CNTN4: variants seen among roughly 807,000 people sequenced by gnomAD.
CNTN4 encodes the protein contactin-4.
In CNTN4, 77 loss-of-function variants were observed where a neutral mutation model predicts 122.5. The ratio of observed to expected loss-of-function variants is 0.63; its 90% CI spans 0.52 to 0.76. CNTN4 has a LOEUF of 0.76. CNTN4 is among the 30% of genes least tolerant of loss of function. The pLI is 0.00. For missense variants in CNTN4, 1,256 were observed against 1,259.1 expected, an observed-to-expected ratio of 1.00 and a Z score of 0.04; for synonymous variants, 512 against 447.0, an observed-to-expected ratio of 1.15 and a Z score of -1.83.
chr3:2,752,724 T>C (rs1264186832), intron 6 of CNTN4, among the ~76,000 whole-genome samples: 1 of 152,168 alleles, frequency 6.6e-6, no homozygotes, highest in Non-Finnish European at 1.5e-5. Context: ...TATCTAGCTG[T>C]AATTTTTTGT....
chr3:2,826,970 C>T (rs76926105), intron 7 of CNTN4, among the ~76,000 whole-genome samples: 5,154 of 152,224 alleles, frequency 0.034, 239 homozygotes, highest in African/African-American at 0.1. Flanking sequence ...TACCCAAAGG[C>T]GCATGAAATC....
chr3:2,163,351 C>A (rs1424580144), intron 2 of CNTN4, among the ~76,000 whole-genome samples: 2 of 152,062 alleles, frequency 1.3e-5, no homozygotes, highest in Non-Finnish European at 2.9e-5. Flanking sequence ...CAAAAATCAA[C>A]TCAAGATTCA....
chr3:2,223,851 C>T (rs2039158386), intron 2 of CNTN4, among the ~76,000 whole-genome samples: 1 of 152,072 alleles, frequency 6.6e-6, no homozygotes. Context: ...TATGTAAGTG[C>T]AGCCATCCCA....
At chr3:2,570,341 T>C (rs1279629953) in intron 3 of CNTN4, among the ~76,000 whole-genome samples, 1 of 151,934 alleles carries the variant, frequency 6.6e-6, no homozygotes. Context: ...GCCAGGCTGA[T>C]TTTTAAAAAT....
rs192497505 is a variant in CNTN4, at chr3:2,478,376, G to A, written c.-88-93040G>A. On this transcript the variant is annotated intron_variant, in intron 3 of 24. Transcript: ENST00000418658. ...ATAATAAATGAAATATGTGAGTTCC[G>A]TGATACATAGTTGTCTTTTCTTTAT... Among the ~76,000 whole-genome samples the A allele has an allele frequency of 1.5e-3, 223 of 149,336 alleles. 3 individuals are homozygous for A. Among genetic ancestry groups the A allele is most frequent in the African/African-American group, 5.2e-3 (210 of 40,726 alleles).
At chr3:2,409,629 T>G (rs2047162683) in intron 3 of CNTN4, among the ~76,000 whole-genome samples, 1 of 152,192 alleles carries the variant, frequency 6.6e-6, no homozygotes, top group African/African-American at 2.4e-5. Context: ...AATTCATAAC[T>G]GTGAAATCAT....
chr3:2,242,598 A>G (rs2039985245), intron 2 of CNTN4, among the ~76,000 whole-genome samples: 1 of 152,154 alleles, frequency 6.6e-6, no homozygotes, highest in Non-Finnish European at 1.5e-5. Flanking sequence ...AGTAAGCACC[A>G]TTTAAACTTG....
At chr3:2,226,588 T>C (rs1386031128) in intron 2 of CNTN4, among the ~76,000 whole-genome samples, 2 of 152,166 alleles carry the variant, frequency 1.3e-5, no homozygotes, top group African/African-American at 4.8e-5. Flanking sequence ...TGCTCAGAGG[T>C]AGTGGTATCT....
intron 3 of CNTN4, among the ~76,000 whole-genome samples, chr3:2,357,582 C>T (rs2044925145): frequency 6.6e-6 from 1 of 152,180 alleles, no homozygotes; most frequent in African/African-American, 2.4e-5. Flanking sequence ...ATCCAGGCTG[C>T]AGAGAGATTG....
At chr3:2,478,579 C>T (rs530426264) in intron 3 of CNTN4, among the ~76,000 whole-genome samples, 5 of 152,190 alleles carry the variant, frequency 3.3e-5, no homozygotes, top group South Asian at 4.1e-4. Context: ...CCTCTCCCTC[C>T]GCCCACACCC....
chr3:2,388,255 T>C (rs1419154646), intron 3 of CNTN4, among the ~76,000 whole-genome samples: 3 of 152,218 alleles, frequency 2.0e-5, no homozygotes, highest in Non-Finnish European at 4.4e-5. Context: ...GCTAAATACA[T>C]GTTAAATCTG....
At chr3:2,102,708 A>G (rs972840944) in intron 2 of CNTN4, among the ~76,000 whole-genome samples, 2 of 152,136 alleles carry the variant, frequency 1.3e-5, no homozygotes, top group Non-Finnish European at 2.9e-5. Flanking sequence ...ATGAGTGCAT[A>G]TTACTTTTCC....
intron 13 of CNTN4, among the ~76,000 whole-genome samples, chr3:2,970,572 G>A (rs947883605): frequency 2.6e-5 from 4 of 151,774 alleles, no homozygotes; most frequent in East Asian, 2.0e-4. Flanking sequence ...TCAGCCTCCC[G>A]GGTGGTTGGG....
intron 5 of CNTN4, among the ~76,000 whole-genome samples, chr3:2,738,320 A>G (rs575120819): frequency 2.9e-4 from 44 of 152,362 alleles, no homozygotes; most frequent in South Asian, 6.2e-4. Flanking sequence ...ACAAAAAATC[A>G]GGAGACAGAA....
chr3:2,321,123 C>G lies in CNTN4; in HGVS notation c.-144-18055C>G, dbSNP rs186602360. ...CAAAGCAGTCTGAAGAAGCTCTGTC[C>G]TATAGCTCTGAAGGGACCCATTTTA... On this transcript the variant is annotated intron_variant, in intron 2 of 24. Coordinates refer to ENST00000418658, the MANE Select transcript of CNTN4 (RefSeq NM_175607.3). Among the ~76,000 whole-genome samples, 795 of 152,212 alleles carry G rather than the reference C, an allele frequency of 5.2e-3. 6 individuals carry two copies. The highest frequency in any genetic ancestry group is 0.014 in the Middle Eastern group (4 of 294).
intron 3 of CNTN4, among the ~76,000 whole-genome samples, chr3:2,403,730 C>A (rs1304182321): frequency 4.6e-5 from 7 of 152,086 alleles, no homozygotes; most frequent in Admixed American, 1.3e-4. Flanking sequence ...TACATCTAAA[C>A]CAACATAGTT....
At chr3:2,910,670 C>T (rs2094289918) in intron 12 of CNTN4, among the ~76,000 whole-genome samples, 1 of 152,122 alleles carries the variant, frequency 6.6e-6, no homozygotes, top group Non-Finnish European at 1.5e-5. Context: ...TTACCATTAT[C>T]TACCCCAAGT....
chr3:2,297,644 T>C (rs2042362608), intron 2 of CNTN4, among the ~76,000 whole-genome samples: 1 of 152,210 alleles, frequency 6.6e-6, no homozygotes, highest in African/African-American at 2.4e-5. Context: ...ACAAATAAAT[T>C]TGAGCTTCAT....
At chr3:2,516,634 G>C (rs969339367) in intron 3 of CNTN4, among the ~76,000 whole-genome samples, 6 of 152,080 alleles carry the variant, frequency 3.9e-5, no homozygotes, top group African/African-American at 1.4e-4. Flanking sequence ...CTATTCCAAA[G>C]TAAGAAGGGA....
Sources: allele counts gnomAD v4.1 joint callset (sites outside exome capture counted in the v4.1 genomes callset), GRCh38; gene constraint gnomAD v4.1.1; transcripts MANE v1.5; gene names NCBI Gene and HGNC (gene_info 2026-07-23, HGNC 2026-07-21).